Variants in MACROD2 observed in about 807,000 individuals in gnomAD.
MACROD2 encodes ADP-ribose glycohydrolase MACROD2.
A neutral mutation model predicts 70.4 loss-of-function variants in MACROD2; 36 were observed. The ratio of observed to expected loss-of-function variants is 0.51; its 90% CI spans 0.39 to 0.68. The LOEUF (loss-of-function observed/expected upper bound fraction) is 0.68, where lower values mean the gene tolerates loss of function less well. Among genes scored for constraint, MACROD2 ranks in the 30% least tolerant of loss-of-function variants. The pLI is 0.00. For missense variants in MACROD2, 496 were observed against 538.4 expected (o/e 0.92, Z 0.78); for synonymous variants, 172 against 178.8 (o/e 0.96, Z 0.30).
At chr20:15,900,283 C>A (rs1043557367) in intron 10 of MACROD2, among the ~76,000 whole-genome samples, 1 of 152,142 alleles carries the variant, frequency 6.6e-6, no homozygotes, top group Non-Finnish European at 1.5e-5. Flanking sequence ...TGAAGAAAAG[C>A]TTTGTTTTAT....
chr20:15,836,227 A>G (rs1054565833), intron 8 of MACROD2, among the ~76,000 whole-genome samples: 8 of 152,182 alleles, frequency 5.3e-5, no homozygotes, highest in African/African-American at 1.4e-4. Context: ...TCCATTTTCT[A>G]CTTAGGAGAG....
rs141016716 is a variant in MACROD2 at position 15,521,663 on chromosome 20, G to A, written c.645+21816G>A. Among the ~76,000 whole-genome samples the A allele has an allele frequency of 1.6e-4, 24 of 152,224 alleles. No individual in the cohort carries two copies. The East Asian group carries it at 4.6e-3, about 29-fold the overall frequency. ...ACATTTACTTTCTGCCACCTCTTGG[G>A]TAGTCCATTCTCCTCATTTCCTCTC... On this transcript the variant is annotated intron_variant, in intron 8 of 17. Coordinates refer to ENST00000684519, the MANE Select transcript of MACROD2 (RefSeq NM_001351661.2).
chr20:15,834,092 A>C (rs760136053), intron 8 of MACROD2, among the ~76,000 whole-genome samples: 4 of 152,184 alleles, frequency 2.6e-5, no homozygotes, highest in Non-Finnish European at 5.9e-5. Context: ...ATAACACAGA[A>C]ACTTACCTGT....
chr20:15,853,656 T>A (rs2064324631), intron 8 of MACROD2, among the ~76,000 whole-genome samples: 2 of 152,076 alleles, frequency 1.3e-5, no homozygotes, highest in Admixed American at 1.3e-4. Flanking sequence ...AAGACCCCCA[T>A]CCTGCAACTG....
intron 15 of MACROD2, among the ~76,000 whole-genome samples, chr20:16,033,605 T>C (rs907629488): frequency 6.6e-6 from 1 of 152,110 alleles, no homozygotes; most frequent in African/African-American, 2.4e-5. Flanking sequence ...TCAGTCATTA[T>C]GTCTTTCAAT....
At chr20:14,843,404 T>C (rs1264338981) in intron 5 of MACROD2, among the ~76,000 whole-genome samples, 4 of 151,926 alleles carry the variant, frequency 2.6e-5, no homozygotes, top group Non-Finnish European at 4.4e-5. Context: ...AAAATACATA[T>C]CTTGGGATAT....
At chr20:15,466,996 C>T (rs1232164844) in intron 7 of MACROD2, among the ~76,000 whole-genome samples, 2 of 152,230 alleles carry the variant, frequency 1.3e-5, no homozygotes, top group Non-Finnish European at 2.9e-5. Context: ...GGCATTGCAG[C>T]AGATACTGTT....
rs991041719 is a variant in MACROD2 at position 14,702,565 on chromosome 20, A to T, written c.418+17606A>T. Among the ~76,000 whole-genome samples the T allele has an allele frequency of 1.3e-4, 16 of 120,022 alleles. No homozygotes were observed. In the East Asian group the frequency reaches 4.0e-3, roughly 30 times the overall value. 78.7% of individuals were successfully genotyped at this position (120,022 alleles called of 152,430 possible). A position where few individuals can be genotyped will look rare whatever the true frequency, so the allele number is the denominator to read the frequency against. On this transcript the variant is annotated intron_variant, in intron 5 of 17. Transcript: ENST00000684519. ...TATGTGTGTGTGTGTATATATATAT[A>T]CACATATATGTGTATATATATGTAT...
chr20:15,568,279 C>T (rs1175909215), intron 8 of MACROD2, among the ~76,000 whole-genome samples: 1 of 152,168 alleles, frequency 6.6e-6, no homozygotes, highest in African/African-American at 2.4e-5. Context: ...TTGCTGGGGT[C>T]CAGGCCTTCA....
intron 2 of MACROD2, among the ~76,000 whole-genome samples, chr20:14,057,154 TAAG>T (rs1005392168): frequency 3.9e-5 from 6 of 152,164 alleles, no homozygotes; most frequent in Admixed American, 2.0e-4. Context: ...GAGGACAGTA[TAAG>T]AGAATATCTT....
At chr20:14,767,471 T>A (rs1342156568) in intron 5 of MACROD2, among the ~76,000 whole-genome samples, 3 of 151,960 alleles carry the variant, frequency 2.0e-5, no homozygotes, top group Non-Finnish European at 4.4e-5. Context: ...AGATGAAAGA[T>A]ACTGAGTGTC....
intron 5 of MACROD2, among the ~76,000 whole-genome samples, chr20:14,787,914 A>G (rs915341396): frequency 6.6e-6 from 1 of 152,122 alleles, no homozygotes; most frequent in Non-Finnish European, 1.5e-5. Flanking sequence ...TGGGAATAAG[A>G]CAGCACATTT....
At chr20:14,045,905 T>C (rs2053466650) in intron 2 of MACROD2, among the ~76,000 whole-genome samples, 1 of 152,178 alleles carries the variant, frequency 6.6e-6, no homozygotes, top group Non-Finnish European at 1.5e-5. Flanking sequence ...ATGGGTTAAG[T>C]AGATTGAACT....
intron 3 of MACROD2, chr20:14,327,583 A>T: frequency 6.9e-7 from 1 of 1,457,978 alleles, no homozygotes; most frequent in Non-Finnish European, 9.2e-7. Context: ...GTAAAAAAAG[A>T]CAGAAAACAA....
intron 15 of MACROD2, among the ~76,000 whole-genome samples, chr20:16,008,594 C>T (rs1020613768): frequency 3.9e-5 from 6 of 152,090 alleles, no homozygotes; most frequent in African/African-American, 9.7e-5. Flanking sequence ...ACTTGGTTTC[C>T]GCATCTGTAA....
At chr20:14,219,930 C>T (rs565627072) in intron 3 of MACROD2, among the ~76,000 whole-genome samples, 18 of 152,100 alleles carry the variant, frequency 1.2e-4, no homozygotes, top group South Asian at 8.3e-4. Context: ...GTGGAGGTGG[C>T]GGGGTGGGGG....
intron 6 of MACROD2, among the ~76,000 whole-genome samples, chr20:15,403,216 C>G (rs1207914532): frequency 6.6e-6 from 1 of 152,202 alleles, no homozygotes; most frequent in African/African-American, 2.4e-5. Context: ...GATCCACCCG[C>G]CTCAGCCTCC....
At chr20:14,030,316 G>A (rs187496837) in intron 2 of MACROD2, among the ~76,000 whole-genome samples, 2 of 152,216 alleles carry the variant, frequency 1.3e-5, no homozygotes, top group East Asian at 1.9e-4. Flanking sequence ...GGGGTTATAG[G>A]CATGAGTTAC....
At chr20:16,005,650 C>A (rs970977467) in intron 15 of MACROD2, among the ~76,000 whole-genome samples, 1 of 152,204 alleles carries the variant, frequency 6.6e-6, no homozygotes, top group Non-Finnish European at 1.5e-5. Context: ...ATCAAAAATG[C>A]TTTTCTAAAC....
Sources: gnomAD v4.1 joint callset for allele counts (sites outside exome capture counted in the v4.1 genomes callset) on GRCh38, gnomAD v4.1.1 for gene constraint, MANE v1.5 for transcripts, NCBI Gene and HGNC (gene_info 2026-07-23, HGNC 2026-07-21) for gene names.